Variants in PTPRD observed in about 807,000 individuals in gnomAD.
The protein encoded by PTPRD is protein tyrosine phosphatase receptor type D.
In PTPRD, 34 loss-of-function variants were observed where a neutral mutation model predicts 214.5. The observed-to-expected ratio is 0.16, with a 90% confidence interval of 0.12 to 0.21. The LOEUF (loss-of-function observed/expected upper bound fraction) is 0.21, where lower values mean the gene tolerates loss of function less well. Among genes scored for constraint, PTPRD ranks in the 10% least tolerant of loss-of-function variants. The probability of loss-of-function intolerance (pLI) is 1.00; values close to 1 mark genes in which losing one functional copy is unlikely to be tolerated. For synonymous variants in PTPRD, 1,128 were observed against 845.7 expected (o/e 1.33, Z -5.79); for missense variants, 2,545 against 2,398.7 (o/e 1.06, Z -1.27).
chr9:10,362,025 G>T (rs796474518), intron 2 of PTPRD, among the ~76,000 whole-genome samples: 1 of 152,176 alleles, frequency 6.6e-6, no homozygotes, highest in Non-Finnish European at 1.5e-5. Context: ...TTCAGTCCAG[G>T]ACAGAATCTG....
intron 10 of PTPRD, among the ~76,000 whole-genome samples, chr9:9,072,576 TA>T (rs1366927113): frequency 6.6e-6 from 1 of 152,170 alleles, no homozygotes; most frequent in African/African-American, 2.4e-5. Flanking sequence ...TATACTTTTA[TA>T]AAAATATTTC....
At chr9:8,931,005 C>T (rs1288591215) in intron 11 of PTPRD, among the ~76,000 whole-genome samples, 3 of 152,122 alleles carry the variant, frequency 2.0e-5, no homozygotes, top group Non-Finnish European at 4.4e-5. Flanking sequence ...GTTGCCATTG[C>T]TTTGGGTGTT....
At chr9:8,375,607 A>G (rs1459963430) in intron 39 of PTPRD, among the ~76,000 whole-genome samples, 1 of 151,984 alleles carries the variant, frequency 6.6e-6, no homozygotes, top group Admixed American at 6.6e-5. Flanking sequence ...AAACAATACA[A>G]ATTTGTTTTT....
At chr9:9,856,415 C>T (rs2061566217) in intron 5 of PTPRD, among the ~76,000 whole-genome samples, 2 of 152,024 alleles carry the variant, frequency 1.3e-5, no homozygotes, top group Admixed American at 1.3e-4. Flanking sequence ...TCCTTTTCTG[C>T]CTAGAATTTC....
intron 7 of PTPRD, among the ~76,000 whole-genome samples, chr9:9,683,711 T>C (rs1331168340): frequency 6.6e-6 from 1 of 151,592 alleles, no homozygotes; most frequent in Non-Finnish European, 1.5e-5. Flanking sequence ...CAATGAAAAC[T>C]GAAAAAGCAC....
chr9:10,470,174 A>G (rs2099021170), intron 2 of PTPRD, among the ~76,000 whole-genome samples: 1 of 152,184 alleles, frequency 6.6e-6, no homozygotes, highest in Non-Finnish European at 1.5e-5. Context: ...TGTGCTAAAT[A>G]CCCACATTTG....
At chr9:9,013,939 T>C (rs1042548239) in intron 11 of PTPRD, among the ~76,000 whole-genome samples, 1 of 152,142 alleles carries the variant, frequency 6.6e-6, no homozygotes, top group Non-Finnish European at 1.5e-5. Context: ...CATCTTGCAG[T>C]TTAACCAATC....
chr9:9,622,328 T>C (rs1370380169), intron 7 of PTPRD, among the ~76,000 whole-genome samples: 1 of 152,214 alleles, frequency 6.6e-6, no homozygotes, highest in Non-Finnish European at 1.5e-5. Flanking sequence ...CAAGTAGTAA[T>C]TTCAGAACTA....
intron 33 of PTPRD, among the ~76,000 whole-genome samples, chr9:8,454,218 T>C (rs2096083475): frequency 6.6e-6 from 1 of 152,162 alleles, no homozygotes; most frequent in Non-Finnish European, 1.5e-5. Context: ...TAATCTTTGG[T>C]AAAAACAAAC....
chr9:8,497,305 T>G (rs543352759), intron 25 of PTPRD, 37 bp from the exon 26 acceptor site: 18 of 1,558,152 alleles, frequency 1.2e-5, no homozygotes, highest in Admixed American at 3.9e-5. Flanking sequence ...GAAAACAAAA[T>G]AAAAAGAAAA....
chr9:9,749,396 T>G (rs928328161), intron 6 of PTPRD, among the ~76,000 whole-genome samples: 2 of 152,196 alleles, frequency 1.3e-5, no homozygotes, highest in Non-Finnish European at 2.9e-5. Context: ...GACCTCCATT[T>G]GTCTGTCTCC....
intron 4 of PTPRD, among the ~76,000 whole-genome samples, chr9:9,955,573 G>C (rs1241927028): frequency 6.7e-6 from 1 of 148,370 alleles, no homozygotes; most frequent in Non-Finnish European, 1.5e-5. Context: ...GCCCAGGCTT[G>C]AGTATAGTGG....
rs913321120 is a variant in PTPRD, at chr9:9,226,665, C to A, written c.-202-43302G>T. Reference sequence around the variant, plus strand: ...ATCTTGGGTAAACAGTTGGAATGAGCCACAGTTTCCTTATCTTAGGAGATA... The same window carrying A: ...ATCTTGGGTAAACAGTTGGAATGAGACACAGTTTCCTTATCTTAGGAGATA... On this transcript the variant is annotated intron_variant, in intron 9 of 45. Coordinates refer to ENST00000381196, the MANE Select transcript of PTPRD (RefSeq NM_002839.4). Among the ~76,000 whole-genome samples, 5 of 152,102 alleles carry A rather than the reference C, an allele frequency of 3.3e-5. No individual in the cohort carries two copies. In the South Asian group the frequency reaches 1.0e-3, roughly 32 times the overall value.
rs1315063090 is a variant in PTPRD, at chr9:9,733,487, T to C, written c.-287+1046A>G. 5.9e-5 allele frequency among the ~76,000 whole-genome samples: 9 copies of C among 152,166 alleles called. No individual in the cohort carries two copies. In the South Asian group the frequency reaches 1.9e-3, roughly 32 times the overall value. On this transcript the variant is annotated intron_variant, in intron 7 of 45. Coordinates refer to ENST00000381196, the MANE Select transcript of PTPRD (RefSeq NM_002839.4). ...GTACTGTTTGGTGGGAAGTGTGAAC[T>C]TGAAGGATGAAACCCACATGGAAAT...
At chr9:10,356,124 T>C in intron 2 of PTPRD, among the ~76,000 whole-genome samples, 1 of 151,410 alleles carries the variant, frequency 6.6e-6, no homozygotes, top group South Asian at 2.1e-4. Context: ...TTTTTTTTTT[T>C]CAGGTATTTG....
At chr9:9,756,057 A>T (rs1479014358) in intron 6 of PTPRD, among the ~76,000 whole-genome samples, 1 of 152,054 alleles carries the variant, frequency 6.6e-6, no homozygotes, top group Non-Finnish European at 1.5e-5. Flanking sequence ...ATTCCCTCTC[A>T]TAAACCTTTA....
chr9:9,889,381 AATTTT>A (rs796430048), intron 5 of PTPRD, among the ~76,000 whole-genome samples: 181 of 142,170 alleles, frequency 1.3e-3, no homozygotes, highest in African/African-American at 5.3e-3. Context: ...TAATATATAC[AATTTT>A]ATTTTTCAAT....
intron 10 of PTPRD, among the ~76,000 whole-genome samples, chr9:9,042,906 G>C (rs1254926761): frequency 2.0e-5 from 3 of 152,134 alleles, no homozygotes; most frequent in Non-Finnish European, 4.4e-5. Flanking sequence ...GGTGGCAACA[G>C]CAGCAGTAGT....
chr9:9,942,137 T>C, intron 4 of PTPRD, among the ~76,000 whole-genome samples: 1 of 152,096 alleles, frequency 6.6e-6, no homozygotes, highest in African/African-American at 2.4e-5. Context: ...TTTCCCACCC[T>C]CACCAAAACC....
Sources: gnomAD v4.1 joint callset for allele counts (sites outside exome capture counted in the v4.1 genomes callset) on GRCh38, gnomAD v4.1.1 for gene constraint, MANE v1.5 for transcripts, NCBI Gene and HGNC (gene_info 2026-07-23, HGNC 2026-07-21) for gene names.